Variants in ELFN2 observed in about 807,000 individuals in gnomAD.
The protein encoded by ELFN2 is extracellular leucine rich repeat and fibronectin type III domain containing 2, also known as protein phosphatase 1 regulatory subunit 29.
Under a neutral mutation model 45.5 loss-of-function variants are expected in ELFN2, and 17 were observed. That is an observed-to-expected ratio of 0.37 (90% CI 0.26 to 0.56). ELFN2 has a LOEUF of 0.56. Ranked by LOEUF, ELFN2 falls within the 20% of genes least tolerant of loss-of-function variation. ELFN2 has a pLI of 0.77. For synonymous variants in ELFN2, 550 were observed against 551.5 expected (o/e 1.00, Z 0.04); for missense variants, 922 against 1,183.2 (o/e 0.78, Z 3.24).
intron 2 of ELFN2, among the ~76,000 whole-genome samples, chr22:37,408,172 G>A (rs1216419410): frequency 6.6e-6 from 1 of 152,200 alleles, no homozygotes; most frequent in Non-Finnish European, 1.5e-5. Context: ...ACAGACAGAT[G>A]ACCACCATGT....
chr22:37,342,195 G>A (rs999002840), intron 2 of ELFN2, among the ~76,000 whole-genome samples: 7 of 152,162 alleles, frequency 4.6e-5, no homozygotes, highest in Admixed American at 2.0e-4. Context: ...ACGGAGAAGC[G>A]GAGTGAAGCA....
At position 37,382,330 on chromosome 22, in the gene ELFN2, T is replaced by C. The variant is rs191388211; in HGVS notation, c.-462-6334A>G. On this transcript the variant is annotated intron_variant, in intron 2 of 2. Coordinates refer to ENST00000402918, the MANE Select transcript of ELFN2 (RefSeq NM_052906.5). Reference sequence around the variant, plus strand: ...CCTTTTCTTTGCTCACTGCCGCCTCTGCCTCCCAGGTTCAAGTGATTCTCC... The same window carrying C: ...CCTTTTCTTTGCTCACTGCCGCCTCCGCCTCCCAGGTTCAAGTGATTCTCC... Among the ~76,000 whole-genome samples, 589 of 152,214 alleles carry C rather than the reference T, an allele frequency of 3.9e-3. 4 individuals carry two copies. Among genetic ancestry groups the C allele is most frequent in the African/African-American group, 0.014 (575 of 41,528 alleles).
chr22:37,422,600 G>A (rs898602914), intron 1 of ELFN2, among the ~76,000 whole-genome samples: 23 of 151,938 alleles, frequency 1.5e-4, no homozygotes, highest in Admixed American at 1.2e-3. Context: ...AGCTACTGGG[G>A]AAGTTTTTTT....
At chr22:37,359,377 CT>C (rs11286245) in intron 1 of ELFN2, among the ~76,000 whole-genome samples, 57,259 of 151,776 alleles carry the variant, frequency 0.38, 11,239 homozygotes, top group Admixed American at 0.55. Context: ...GGCCAGGCCC[CT>C]GCCACTCCCC....
chr22:37,387,673 T>C (rs969411081), intron 2 of ELFN2, among the ~76,000 whole-genome samples: 8 of 152,108 alleles, frequency 5.3e-5, no homozygotes, highest in African/African-American at 1.9e-4. Context: ...GCAGCTTTGC[T>C]TTCCCGCGAC....
In ELFN2 at chr22:37,374,372, G is replaced by T. The variant is rs752244581; in HGVS notation, c.1163C>A (p.Ala388Glu). 14 of 1,613,840 alleles carry T rather than the reference G, an allele frequency of 8.7e-6. No homozygotes were observed. Among genetic ancestry groups the T allele is most frequent in the African/African-American group, 4.0e-5 (3 of 74,946 alleles). The change falls in exon 3 of 3, where the codon GCG becomes GAG. Residue 388 changes from alanine to glutamate, a missense_variant. Ala to Glu is a moderately radical substitution (Grantham distance 107, BLOSUM62 -1). Transcript: ENST00000402918. ...GTGGGTGGTGGTGGAGGTGCTGGGC[G>T]CCAAGTCTCCGGGGACGGGGTCCCG... ...TTRDPVPGDL[A>E]PSTSTTTHYI...
intron 2 of ELFN2, among the ~76,000 whole-genome samples, chr22:37,412,304 G>A (rs1229666770): frequency 2.7e-4 from 38 of 140,234 alleles, no homozygotes; most frequent in African/African-American, 7.4e-4. Context: ...AAGAAAGAAA[G>A]AAAAGGAAAA....
chr22:37,345,755 C>T (rs1312428230), intron 1 of ELFN2, among the ~76,000 whole-genome samples: 1 of 152,116 alleles, frequency 6.6e-6, no homozygotes, highest in East Asian at 1.9e-4. Context: ...ACGATATTGG[C>T]CAGGATGGTC....
chr22:37,402,456 C>T (rs942964318), intron 2 of ELFN2, among the ~76,000 whole-genome samples: 1 of 152,340 alleles, frequency 6.6e-6, no homozygotes, highest in East Asian at 1.9e-4. Flanking sequence ...CCCCGGTGAG[C>T]GTCTGAGTTT....
intron 2 of ELFN2, chr22:37,385,185 G>A (rs1445394629): frequency 6.6e-6 from 1 of 152,264 alleles, no homozygotes; most frequent in Admixed American, 6.5e-5. Flanking sequence ...CCGACAAGAT[G>A]AAAAGTCTTC....
chr22:37,374,936 A>G lies in ELFN2; in HGVS notation c.599T>C (p.Leu200Pro). The change falls in exon 3 of 3, where the codon CTG (leucine) becomes CCG (proline). Residue 200 changes from leucine (L) to proline (P), a missense_variant. Leu to Pro is a moderately conservative substitution (Grantham distance 98). Around this residue, in one of 2 missense-constraint regions of ELFN2, gnomAD observed 358 missense variants for 540.4 expected, o/e 0.66. Coordinates refer to ENST00000402918, the MANE Select transcript of ELFN2 (RefSeq NM_052906.5). ...ECDLFGFLAW[L>P]VVFNNVTKNY... ...CTTGGTGACGTTGTTGAAGACCACC[A>G]GCCAGGCCAGGAAGCCGAAGAGGTC... The G allele has an allele frequency of 6.2e-7, 1 of 1,612,986 alleles. No individual in the cohort carries two copies. The highest frequency in any genetic ancestry group is 8.5e-7 in the Non-Finnish European group (1 of 1,179,970).
chr22:37,388,033 C>A (rs1439105376), intron 2 of ELFN2, among the ~76,000 whole-genome samples: 1 of 151,838 alleles, frequency 6.6e-6, no homozygotes, highest in East Asian at 1.9e-4. Context: ...CCCCTAGTCC[C>A]GCCTTGGTGC....
At chr22:37,350,495 T>G (rs1469262599) in intron 1 of ELFN2, among the ~76,000 whole-genome samples, 1 of 150,230 alleles carries the variant, frequency 6.7e-6, no homozygotes, top group African/African-American at 2.4e-5. Context: ...GATCCCACAT[T>G]GCTGAGGAGG....
rs1356530958 is a variant in ELFN2, at chr22:37,374,367, T to C, written c.1168A>G (p.Ser390Gly). Residue 390 changes from serine to glycine, a missense_variant, in exon 3 of 3, where the codon AGC (serine) becomes GGC (glycine). Around this residue, in one of 2 missense-constraint regions of ELFN2, gnomAD observed 564 missense variants for 642.8 expected, o/e 0.88. Transcript: ENST00000402918. Reference protein sequence around the residue: ...RDPVPGDLAPSTSTTTHYIMT... With the variant: ...RDPVPGDLAPGTSTTTHYIMT... ...ATGTAGTGGGTGGTGGTGGAGGTGCTGGGCGCCAAGTCTCCGGGGACGGGG... is the reference window on the plus strand; with the variant it reads ...ATGTAGTGGGTGGTGGTGGAGGTGCCGGGCGCCAAGTCTCCGGGGACGGGG... 1.9e-6 allele frequency: 3 copies of C among 1,614,010 alleles called. No homozygotes were observed. Among genetic ancestry groups the C allele is most frequent in the Non-Finnish European group, 2.5e-6 (3 of 1,179,982 alleles).
intron 2 of ELFN2, among the ~76,000 whole-genome samples, chr22:37,414,115 C>G (rs1432550969): frequency 6.6e-6 from 1 of 152,162 alleles, no homozygotes. Flanking sequence ...TATTGAACCT[C>G]TACTATGTGC....
At position 37,368,582 on chromosome 22, in the gene ELFN2, G is replaced by C. The variant is rs941133734; in HGVS notation, c.*4490C>G. ...ATGGAATCTGAGCATGAGAGTTAGA[G>C]GAGGTCCCCTCTCCTGGGGCTCAGC... On this transcript the variant is annotated 3_prime_UTR_variant, in exon 3 of 3. Coordinates refer to ENST00000402918, the MANE Select transcript of ELFN2 (RefSeq NM_052906.5). The C allele has an allele frequency of 6.6e-6, 1 of 152,308 alleles. No homozygotes were observed. Among genetic ancestry groups the C allele is most frequent in the Admixed American group, 6.5e-5 (1 of 15,290 alleles). 9.4% of individuals were successfully genotyped at this position (152,308 alleles called of 1,614,324 possible).
chr22:37,395,049 G>A (rs1932176614), intron 2 of ELFN2, among the ~76,000 whole-genome samples: 1 of 151,810 alleles, frequency 6.6e-6, no homozygotes, highest in Admixed American at 6.6e-5. Context: ...AGGTTGCAGT[G>A]GGCCAAGATC....
intron 2 of ELFN2, among the ~76,000 whole-genome samples, chr22:37,414,281 G>A (rs1014412108): frequency 2.0e-5 from 3 of 152,176 alleles, no homozygotes; most frequent in African/African-American, 7.2e-5. Flanking sequence ...AAACCAGAGG[G>A]AGGAGGCCAA....
At chr22:37,422,249 C>G (rs1036758505) in intron 1 of ELFN2, among the ~76,000 whole-genome samples, 1 of 151,446 alleles carries the variant, frequency 6.6e-6, no homozygotes, top group African/African-American at 2.4e-5. Flanking sequence ...CAGGAATGAA[C>G]GGAGGGGGCA....
Sources: gnomAD v4.1 joint callset for allele counts (sites outside exome capture counted in the v4.1 genomes callset) on GRCh38, gnomAD v4.1.1 for gene constraint, gnomAD v4.1.1 regional missense constraint, MANE v1.5 for transcripts, NCBI Gene and HGNC (gene_info 2026-07-23, HGNC 2026-07-21) for gene names.